The following ADAMTSL1 variants were observed in gnomAD, a reference collection of about 807,000 sequenced individuals.
ADAMTSL1 encodes the protein ADAMTS-like protein 1.
In ADAMTSL1, 126 loss-of-function variants were observed where a neutral mutation model predicts 201.8. That is an observed-to-expected ratio of 0.62 (90% confidence interval 0.54 to 0.72). ADAMTSL1 has a LOEUF of 0.72. Among genes scored for constraint, ADAMTSL1 ranks in the 30% least tolerant of loss-of-function variants. The probability of loss-of-function intolerance (pLI) is 0.00; values close to 1 mark genes in which losing one functional copy is unlikely to be tolerated. For missense variants in ADAMTSL1, 2,679 were observed against 2,277.8 expected (o/e 1.18, Z -3.59); for synonymous variants, 1,121 against 903.4 (o/e 1.24, Z -4.32).
At chr9:18,882,262 C>T (rs1367900448) in intron 23 of ADAMTSL1, among the ~76,000 whole-genome samples, 1 of 152,152 alleles carries the variant, frequency 6.6e-6, no homozygotes, top group Non-Finnish European at 1.5e-5. Context: ...TATTTACCGA[C>T]TAAAATCTCA....
In ADAMTSL1 at chr9:18,592,275, C is replaced by T. The variant is rs372521931; in HGVS notation, c.474+18009C>T. Among the ~76,000 whole-genome samples the T allele has an allele frequency of 3.3e-5, 5 of 152,120 alleles. No individual in the cohort carries two copies. The East Asian group carries it at 9.6e-4, about 29-fold the overall frequency. On this transcript the variant is annotated intron_variant, in intron 4 of 28. Coordinates refer to ENST00000380548, the MANE Select transcript of ADAMTSL1 (RefSeq NM_001040272.6). Reference sequence around the variant, plus strand: ...TCTTCATTGCTTGTCATATAAAATCCATTTTTCATCACACATCACAATCCA... The same window carrying T: ...TCTTCATTGCTTGTCATATAAAATCTATTTTTCATCACACATCACAATCCA...
At chr9:18,485,299 G>GA (rs1487005002) in intron 1 of ADAMTSL1, among the ~76,000 whole-genome samples, 2 of 151,788 alleles carry the variant, frequency 1.3e-5, no homozygotes, top group East Asian at 1.9e-4. Context: ...GATTTCAGAA[G>GA]AAAAAAAATA....
chr9:18,797,811 G>A (rs1488237249), intron 20 of ADAMTSL1, among the ~76,000 whole-genome samples: 2 of 152,162 alleles, frequency 1.3e-5, no homozygotes, highest in African/African-American at 2.4e-5. Context: ...CCAATGCCAG[G>A]CACATTGTTC....
intron 1 of ADAMTSL1, among the ~76,000 whole-genome samples, chr9:18,107,331 G>T (rs150298567): frequency 6.6e-6 from 1 of 152,206 alleles, no homozygotes; most frequent in East Asian, 1.9e-4. Context: ...CAATTCCCAG[G>T]ATCCTAATGA....
intron 1 of ADAMTSL1, among the ~76,000 whole-genome samples, chr9:17,939,779 G>A (rs1827160721): frequency 6.6e-6 from 1 of 152,216 alleles, no homozygotes; most frequent in Non-Finnish European, 1.5e-5. Flanking sequence ...CCCTGTTCTT[G>A]CAAAGTACAT....
intron 2 of ADAMTSL1, among the ~76,000 whole-genome samples, chr9:18,278,147 A>G (rs1225276807): frequency 1.3e-5 from 2 of 152,068 alleles, no homozygotes; most frequent in Non-Finnish European, 2.9e-5. Context: ...GTTATTTTTA[A>G]TACTTTATCA....
intron 1 of ADAMTSL1, among the ~76,000 whole-genome samples, chr9:18,028,150 A>G (rs1258908287): frequency 6.6e-6 from 1 of 151,794 alleles, no homozygotes; most frequent in Non-Finnish European, 1.5e-5. Flanking sequence ...AGGCTGTTTA[A>G]ATTCAAGGTT....
intron 23 of ADAMTSL1, among the ~76,000 whole-genome samples, chr9:18,868,695 G>A (rs118016380): frequency 1.3e-5 from 2 of 152,276 alleles, no homozygotes; most frequent in Middle Eastern, 3.4e-3. Context: ...CCTGATGCAC[G>A]TACATCTTCA....
chr9:18,020,640 C>T (rs1433164057), intron 1 of ADAMTSL1, among the ~76,000 whole-genome samples: 2 of 152,170 alleles, frequency 1.3e-5, no homozygotes, highest in South Asian at 2.1e-4. Context: ...AGTTGCCTCC[C>T]ACCAGGTCTC....
intron 2 of ADAMTSL1, among the ~76,000 whole-genome samples, chr9:18,505,201 A>G (rs1385859379): frequency 3.3e-5 from 5 of 152,194 alleles, no homozygotes; most frequent in African/African-American, 7.2e-5. Flanking sequence ...GAAACTTATC[A>G]TCTTTACCAA....
At chr9:18,574,602 T>C (rs1587611057) in intron 4 of ADAMTSL1, 1 of 410,076 alleles carries the variant, frequency 2.4e-6, no homozygotes. Flanking sequence ...TGTTTGTGTG[T>C]GTGTGTGTGT....
At chr9:18,401,192 C>T (rs1215067998) in intron 2 of ADAMTSL1, among the ~76,000 whole-genome samples, 7 of 152,198 alleles carry the variant, frequency 4.6e-5, no homozygotes, top group Non-Finnish European at 1.0e-4. Context: ...ACTCCCAAGG[C>T]CTTGGAACGC....
chr9:18,057,476 A>C (rs1274499354), intron 1 of ADAMTSL1, among the ~76,000 whole-genome samples: 1 of 152,194 alleles, frequency 6.6e-6, no homozygotes, highest in Non-Finnish European at 1.5e-5. Context: ...GACCCATGGA[A>C]AGTTGGCAAC....
At chr9:18,847,976 A>C (rs939958387) in intron 23 of ADAMTSL1, among the ~76,000 whole-genome samples, 48 of 152,366 alleles carry the variant, frequency 3.2e-4, no homozygotes, top group African/African-American at 1.1e-3. Flanking sequence ...GGCAGAAGTG[A>C]TTTAGTTTAT....
chr9:18,571,977 G>T (rs1033382075), intron 3 of ADAMTSL1, among the ~76,000 whole-genome samples: 1 of 152,152 alleles, frequency 6.6e-6, no homozygotes, highest in Non-Finnish European at 1.5e-5. Flanking sequence ...TGGATCACCT[G>T]AGGTCAGGAG....
At chr9:18,494,785 G>A (rs934006029) in intron 1 of ADAMTSL1, among the ~76,000 whole-genome samples, 8 of 152,146 alleles carry the variant, frequency 5.3e-5, no homozygotes, top group African/African-American at 1.9e-4. Flanking sequence ...ACACACATAT[G>A]CTCAAAATGT....
intron 3 of ADAMTSL1, among the ~76,000 whole-genome samples, chr9:18,537,959 G>A (rs1819892071): frequency 7.1e-6 from 1 of 141,228 alleles, no homozygotes; most frequent in Non-Finnish European, 1.6e-5. Flanking sequence ...GAAGAAGGAA[G>A]AAGAGAAGAA....
At chr9:18,489,848 G>A (rs971986493) in intron 1 of ADAMTSL1, among the ~76,000 whole-genome samples, 2 of 152,150 alleles carry the variant, frequency 1.3e-5, no homozygotes, top group Admixed American at 6.5e-5. Context: ...CTCATCTGTT[G>A]AGGAAATGAT....
chr9:18,257,178 C>T (rs1437968545), intron 2 of ADAMTSL1, among the ~76,000 whole-genome samples: 1 of 152,086 alleles, frequency 6.6e-6, no homozygotes, highest in African/African-American at 2.4e-5. Context: ...CATCACAACA[C>T]AATTCTTTAA....
Sources: gnomAD v4.1 joint callset for allele counts (sites outside exome capture counted in the v4.1 genomes callset) on GRCh38, gnomAD v4.1.1 for gene constraint, MANE v1.5 for transcripts, NCBI Gene and HGNC (gene_info 2026-07-23, HGNC 2026-07-21) for gene names.